Variants in CCSER1 observed in about 807,000 individuals in gnomAD.
CCSER1 encodes serine-rich coiled-coil domain-containing protein 1.
A neutral mutation model predicts 82.0 loss-of-function variants in CCSER1; 41 were observed. The observed-to-expected ratio is 0.50, with a 90% CI of 0.39 to 0.65. The LOEUF is 0.65. CCSER1 is among the 30% of genes least tolerant of loss of function. CCSER1 has a pLI of 0.00. For missense variants in CCSER1, 1,119 were observed against 1,064.2 expected, an observed-to-expected ratio of 1.05 and a Z score of -0.72; for synonymous variants, 414 against 383.9, an observed-to-expected ratio of 1.08 and a Z score of -0.92.
intron 6 of CCSER1, among the ~76,000 whole-genome samples, chr4:90,638,514 A>G (rs1246018543): frequency 1.3e-5 from 2 of 152,134 alleles, no homozygotes; most frequent in Admixed American, 1.3e-4. Flanking sequence ...AACATAGGTT[A>G]AAAAAATTTA....
At chr4:90,533,971 T>G (rs545029427) in intron 5 of CCSER1, among the ~76,000 whole-genome samples, 1 of 152,362 alleles carries the variant, frequency 6.6e-6, no homozygotes, top group South Asian at 2.1e-4. Context: ...TAATACAGTT[T>G]CCTGAAAGTA....
chr4:90,825,731 C>CT (rs747896341), intron 8 of CCSER1, among the ~76,000 whole-genome samples: 11,694 of 124,202 alleles, frequency 0.094, 623 homozygotes, highest in Admixed American at 0.12. Flanking sequence ...TTTGTTGTTG[C>CT]TTTTTTTTTT....
intron 6 of CCSER1, among the ~76,000 whole-genome samples, chr4:90,722,094 T>G (rs1742778923): frequency 6.6e-6 from 1 of 151,774 alleles, no homozygotes; most frequent in Admixed American, 6.6e-5. Flanking sequence ...CTTTAAAGTT[T>G]ACCATGAACC....
At chr4:91,588,195 G>A (rs764140296) in intron 10 of CCSER1, among the ~76,000 whole-genome samples, 20 of 150,698 alleles carry the variant, frequency 1.3e-4, no homozygotes, top group Non-Finnish European at 2.4e-4. Flanking sequence ...GACTTTTTGC[G>A]ACTACTCTGA....
At chr4:91,016,991 G>A (rs1304055484) in intron 9 of CCSER1, among the ~76,000 whole-genome samples, 2 of 152,048 alleles carry the variant, frequency 1.3e-5, no homozygotes, top group Admixed American at 6.6e-5. Flanking sequence ...AAAGTTCATA[G>A]AAGAGAAACT....
chr4:90,314,025 T>C (rs1735743869), intron 3 of CCSER1, among the ~76,000 whole-genome samples: 1 of 152,228 alleles, frequency 6.6e-6, no homozygotes, highest in Non-Finnish European at 1.5e-5. Context: ...GATCTGATAA[T>C]TATTTTGTGA....
intron 1 of CCSER1, among the ~76,000 whole-genome samples, chr4:90,257,868 T>G (rs1723635331): frequency 1.3e-5 from 2 of 152,196 alleles, no homozygotes; most frequent in Non-Finnish European, 2.9e-5. Flanking sequence ...ATCAAGGGAT[T>G]GGATAAGCCC....
At chr4:90,833,997 A>G (rs1035781749) in intron 8 of CCSER1, among the ~76,000 whole-genome samples, 1 of 152,178 alleles carries the variant, frequency 6.6e-6, no homozygotes, top group Admixed American at 6.5e-5. Context: ...TGCCAGTGCC[A>G]TACTCTGGGA....
intron 10 of CCSER1, among the ~76,000 whole-genome samples, chr4:91,541,937 T>G (rs955223392): frequency 2.0e-5 from 3 of 152,096 alleles, no homozygotes; most frequent in Non-Finnish European, 4.4e-5. Context: ...GTGTGAGATG[T>G]TATCTCATTG....
chr4:91,433,233 C>G (rs577847021), intron 10 of CCSER1, among the ~76,000 whole-genome samples: 102 of 152,242 alleles, frequency 6.7e-4, no homozygotes, highest in African/African-American at 2.2e-3. Flanking sequence ...CAGTCAATGA[C>G]AAACTATATA....
At chr4:91,049,765 T>A (rs1254760946) in intron 9 of CCSER1, among the ~76,000 whole-genome samples, 10 of 152,222 alleles carry the variant, frequency 6.6e-5, no homozygotes, top group Non-Finnish European at 2.9e-5. Context: ...GATTAACAAG[T>A]ATCAATTTTA....
chr4:90,924,735 TTTG>T (rs1203166448), intron 9 of CCSER1, among the ~76,000 whole-genome samples: 1 of 152,190 alleles, frequency 6.6e-6, no homozygotes, highest in Non-Finnish European at 1.5e-5. Flanking sequence ...TGTTTGTTTG[TTTG>T]TTATTTGAGA....
intron 8 of CCSER1, among the ~76,000 whole-genome samples, chr4:90,828,044 T>A (rs1318354338): frequency 6.6e-6 from 1 of 152,162 alleles, no homozygotes; most frequent in Middle Eastern, 3.2e-3. Context: ...CGACTTCTTG[T>A]CTTCCTCTCC....
intron 8 of CCSER1, among the ~76,000 whole-genome samples, chr4:90,884,520 A>G (rs551689853): frequency 6.6e-6 from 1 of 152,284 alleles, no homozygotes; most frequent in South Asian, 2.1e-4. Flanking sequence ...AATTCTAGCT[A>G]GAGAAAGTGG....
chr4:91,155,961 A>G (rs1372986681), intron 10 of CCSER1, among the ~76,000 whole-genome samples: 1 of 151,874 alleles, frequency 6.6e-6, no homozygotes, highest in Non-Finnish European at 1.5e-5. Context: ...AATATAATTT[A>G]CATTATTATT....
chr4:90,213,659 T>C (rs969473122), intron 1 of CCSER1, among the ~76,000 whole-genome samples: 2 of 151,914 alleles, frequency 1.3e-5, no homozygotes, highest in African/African-American at 4.8e-5. Flanking sequence ...AGCCAAGAAG[T>C]GAGGAGGAAA....
At chr4:90,896,673 G>A (rs1723768116) in intron 8 of CCSER1, among the ~76,000 whole-genome samples, 1 of 151,724 alleles carries the variant, frequency 6.6e-6, no homozygotes, top group African/African-American at 2.4e-5. Flanking sequence ...ATCCAATACT[G>A]GGAGCACTGG....
intron 10 of CCSER1, among the ~76,000 whole-genome samples, chr4:91,440,533 G>A (rs1243432166): frequency 1.3e-5 from 2 of 152,056 alleles, no homozygotes; most frequent in Admixed American, 6.6e-5. Flanking sequence ...ATCTAAAATC[G>A]ACAGCCTAAC....
chr4:90,623,247 G>A (rs929877756), intron 5 of CCSER1, among the ~76,000 whole-genome samples: 2 of 151,906 alleles, frequency 1.3e-5, no homozygotes, highest in Non-Finnish European at 2.9e-5. Context: ...TGTTAACCTG[G>A]ATGGTCTCGA....
Sources: allele counts gnomAD v4.1 joint callset (sites outside exome capture counted in the v4.1 genomes callset), GRCh38; gene constraint gnomAD v4.1.1; transcripts MANE v1.5; gene names NCBI Gene and HGNC (gene_info 2026-07-23, HGNC 2026-07-21).